PCDHA10: variants seen among roughly 807,000 people sequenced by gnomAD.
PCDHA10 encodes the protein protocadherin alpha-10.
Under a neutral mutation model 61.2 loss-of-function variants are expected in PCDHA10, and 45 were observed. That is an observed-to-expected ratio of 0.74 (90% CI 0.58 to 0.94). The LOEUF (loss-of-function observed/expected upper bound fraction) is 0.94. Ranked by LOEUF, PCDHA10 falls within the 40% of genes least tolerant of loss-of-function variation. PCDHA10 has a pLI of 0.00. For synonymous variants in PCDHA10, 602 were observed against 548.8 expected, an observed-to-expected ratio of 1.10 and a Z score of -1.35; for missense variants, 1,278 against 1,236.2, an observed-to-expected ratio of 1.03 and a Z score of -0.51.
intron 2 of PCDHA10, among the ~76,000 whole-genome samples, chr5:140,980,920 A>T (rs1040099192): frequency 1.3e-5 from 2 of 152,166 alleles, no homozygotes; most frequent in African/African-American, 4.8e-5. Context: ...TCTTTAAAAA[A>T]TTCTGCTTTG....
chr5:140,882,769 A>C, intron 1 of PCDHA10: 1 of 1,614,242 alleles, frequency 6.2e-7, no homozygotes, highest in Admixed American at 1.7e-5. Context: ...TAAACTCGGC[A>C]TTGACCTACC....
intron 1 of PCDHA10, among the ~76,000 whole-genome samples, chr5:140,921,353 A>T (rs943655623): frequency 6.6e-6 from 1 of 152,160 alleles, no homozygotes; most frequent in Non-Finnish European, 1.5e-5. Context: ...ATATTTGCCT[A>T]TATTCAAGTT....
chr5:140,924,096 T>C (rs1044149112), intron 1 of PCDHA10, among the ~76,000 whole-genome samples: 1 of 152,222 alleles, frequency 6.6e-6, no homozygotes, highest in Non-Finnish European at 1.5e-5. Context: ...AAAGAATAAA[T>C]TTTCATTCCA....
At chr5:140,965,312 C>G (rs543157988) in intron 1 of PCDHA10, among the ~76,000 whole-genome samples, 1 of 152,258 alleles carries the variant, frequency 6.6e-6, no homozygotes, top group East Asian at 1.9e-4. Context: ...TCTACCTTCT[C>G]TTTTACTGAA....
rs1554181343 is a variant in PCDHA10, at chr5:140,884,223, A to G, written c.2388+25787A>G. ...CACCACCGCCTTCTGGTGCTGGTGAAGGACCACGGTGAGCCCGCGCTGACG... is the reference window on the plus strand; with the variant it reads ...CACCACCGCCTTCTGGTGCTGGTGAGGGACCACGGTGAGCCCGCGCTGACG... On this transcript the variant is annotated intron_variant, in intron 1 of 3. Coordinates refer to ENST00000307360, the MANE Select transcript of PCDHA10 (RefSeq NM_018901.4). 1.1e-5 allele frequency: 17 copies of G among 1,613,364 alleles called. No homozygotes were observed. The highest frequency in any genetic ancestry group is 1.7e-5 in the Admixed American group (1 of 59,998).
chr5:140,970,894 C>T (rs1302694264), intron 1 of PCDHA10, among the ~76,000 whole-genome samples: 1 of 152,090 alleles, frequency 6.6e-6, no homozygotes, highest in Non-Finnish European at 1.5e-5. Context: ...ATGGACATTT[C>T]AGATAGATTT....
intron 1 of PCDHA10, among the ~76,000 whole-genome samples, chr5:140,945,169 AAAAT>A (rs1302154201): frequency 2.0e-5 from 3 of 152,164 alleles, no homozygotes; most frequent in Non-Finnish European, 4.4e-5. Context: ...AACTATCTGA[AAAAT>A]AAATCAAGAA....
Position 140,972,800 on chromosome 5 carries a change from A to G in PCDHA10, c.2389-6149A>G, listed in dbSNP as rs937312575. ...TGCCTCAGCCTCCTGAGTAGCTGAGATTACAGGCACGCGCCACCACGCCTG... is the reference window on the plus strand; with the variant it reads ...TGCCTCAGCCTCCTGAGTAGCTGAGGTTACAGGCACGCGCCACCACGCCTG... On this transcript the variant is annotated intron_variant, in intron 1 of 3. Transcript: ENST00000307360. Among the ~76,000 whole-genome samples, 8 of 151,520 alleles carry G rather than the reference A, an allele frequency of 5.3e-5. No individual in the cohort carries two copies. In the South Asian group the frequency reaches 6.3e-4, roughly 12 times the overall value.
intron 1 of PCDHA10, among the ~76,000 whole-genome samples, chr5:140,956,765 C>T (rs2095308216): frequency 6.6e-6 from 1 of 152,134 alleles, no homozygotes; most frequent in Non-Finnish European, 1.5e-5. Flanking sequence ...AGCTGTAAAT[C>T]TGTCTGGTCC....
intron 1 of PCDHA10, among the ~76,000 whole-genome samples, chr5:140,918,975 T>C (rs141194276): frequency 6.6e-6 from 1 of 152,310 alleles, no homozygotes; most frequent in East Asian, 1.9e-4. Flanking sequence ...ATCGTTTAGG[T>C]TAGTTGGTTT....
chr5:140,946,327 G>C (rs2093929992), intron 1 of PCDHA10, among the ~76,000 whole-genome samples: 2 of 151,720 alleles, frequency 1.3e-5, no homozygotes, highest in Non-Finnish European at 3.0e-5. Flanking sequence ...AAAGAGGAAA[G>C]ATAACAAGTG....
chr5:140,942,633 G>T (rs1554215141), intron 1 of PCDHA10, among the ~76,000 whole-genome samples: 1 of 151,380 alleles, frequency 6.6e-6, no homozygotes, highest in Non-Finnish European at 1.5e-5. Context: ...AAAAAAAATG[G>T]CAAAAGAGAT....
intron 1 of PCDHA10, chr5:140,966,805 T>C (rs1554228690): frequency 6.5e-7 from 1 of 1,545,566 alleles, no homozygotes; most frequent in South Asian, 1.2e-5. Flanking sequence ...CGACAGAGCA[T>C]CCACGGCTCC....
At chr5:140,868,911 G>T in intron 1 of PCDHA10, 1 of 892,226 alleles carries the variant, frequency 1.1e-6, no homozygotes. Flanking sequence ...CTCTTTACTT[G>T]GTGGAAAGTT....
At chr5:140,957,900 G>A (rs2095395670) in intron 1 of PCDHA10, among the ~76,000 whole-genome samples, 1 of 151,932 alleles carries the variant, frequency 6.6e-6, no homozygotes, top group South Asian at 2.1e-4. Flanking sequence ...CATCAACCAA[G>A]GCATATTGTT....
intron 1 of PCDHA10, chr5:140,870,178 C>T (rs2051730547): frequency 2.5e-6 from 4 of 1,614,094 alleles, no homozygotes; most frequent in East Asian, 2.2e-5. Context: ...CCTCCCAGTA[C>T]GAGAGGACGC....
At chr5:140,989,724 T>C (rs1251385686) in intron 3 of PCDHA10, among the ~76,000 whole-genome samples, 6 of 152,178 alleles carry the variant, frequency 3.9e-5, no homozygotes, top group African/African-American at 1.4e-4. Context: ...AGCTTTGCAG[T>C]TGAAAAGGCC....
chr5:140,927,308 C>T (rs782694957), intron 1 of PCDHA10: 3 of 1,614,186 alleles, frequency 1.9e-6, no homozygotes, highest in Non-Finnish European at 2.5e-6. Flanking sequence ...TTCCTGACGC[C>T]CGGAGCCCGC....
chr5:140,928,642 G>A (rs2085397273), intron 1 of PCDHA10: 2 of 1,614,114 alleles, frequency 1.2e-6, no homozygotes, highest in Non-Finnish European at 8.5e-7. Flanking sequence ...CACAAAAGTG[G>A]TAGCAGAGGA....
Sources: allele counts gnomAD v4.1 joint callset (sites outside exome capture counted in the v4.1 genomes callset), GRCh38; gene constraint gnomAD v4.1.1; transcripts MANE v1.5; gene names NCBI Gene and HGNC (gene_info 2026-07-23, HGNC 2026-07-21).